BMPR1A: variants seen among roughly 807,000 people sequenced by gnomAD.
The protein encoded by BMPR1A is bone morphogenetic protein receptor type 1A, also known as bone morphogenetic protein receptor type-1A.
Under a neutral mutation model 66.0 loss-of-function variants are expected in BMPR1A, and 7 were observed. That is an observed-to-expected ratio of 0.11 (90% CI 0.06 to 0.20). The LOEUF (loss-of-function observed/expected upper bound fraction) is 0.20, where lower values mean the gene tolerates loss of function less well. Ranked by LOEUF, BMPR1A falls within the 10% of genes least tolerant of loss-of-function variation. The pLI, the probability that BMPR1A is intolerant of heterozygous loss-of-function variation, is 1.00. For synonymous variants in BMPR1A, 200 were observed against 229.7 expected (o/e 0.87, Z 1.17); for missense variants, 408 against 669.1 (o/e 0.61, Z 4.31).
intron 1 of BMPR1A, among the ~76,000 whole-genome samples, chr10:86,797,385 T>A (rs1841734687): frequency 6.6e-6 from 1 of 151,746 alleles, no homozygotes; most frequent in Non-Finnish European, 1.5e-5. Flanking sequence ...CGCCCACCAC[T>A]ATGTCCAGCT....
rs1366069793 is a variant in BMPR1A at position 86,919,481 on chromosome 10, T to C, written c.1166+12T>C. The C allele has an allele frequency of 6.2e-7, 1 of 1,612,854 alleles. No individual in the cohort carries two copies. The highest frequency in any genetic ancestry group is 1.3e-5 in the African/African-American group (1 of 74,902). The stretch of plus-strand genomic sequence containing the variant: ...GTTAAATTCAACAGGTGAGTGGTTC[T>C]TTGCCCCACTGTTTTGAAATTATTT... On this transcript the variant is annotated intron_variant, in intron 10 of 12. Transcript: ENST00000372037.
intron 1 of BMPR1A, among the ~76,000 whole-genome samples, chr10:86,820,566 T>C (rs536835152): frequency 4.5e-4 from 69 of 152,298 alleles, no homozygotes; most frequent in African/African-American, 1.6e-3. Flanking sequence ...TCTCCATCCT[T>C]GACTGTTTCT....
At chr10:86,786,802 T>G (rs1341219523) in intron 1 of BMPR1A, among the ~76,000 whole-genome samples, 1 of 152,348 alleles carries the variant, frequency 6.6e-6, no homozygotes, top group South Asian at 2.1e-4. Context: ...TAAAGGGAAC[T>G]TATTCTTCCT....
intron 1 of BMPR1A, among the ~76,000 whole-genome samples, chr10:86,820,089 T>A (rs919038305): frequency 2.6e-5 from 4 of 152,202 alleles, no homozygotes; most frequent in African/African-American, 9.6e-5. Context: ...ACACCCAGAC[T>A]GGAGTGCAGT....
intron 3 of BMPR1A, among the ~76,000 whole-genome samples, chr10:86,886,668 GTT>G (rs1843071077): frequency 1.3e-5 from 2 of 152,090 alleles, no homozygotes; most frequent in African/African-American, 4.8e-5. Flanking sequence ...GCTCTTTCCT[GTT>G]ACTTTTCTTT....
At chr10:86,883,773 A>T (rs1342222057) in intron 3 of BMPR1A, among the ~76,000 whole-genome samples, 1 of 152,104 alleles carries the variant, frequency 6.6e-6, no homozygotes, top group African/African-American at 2.4e-5. Context: ...CCATTTCAAA[A>T]CAAAAAAAAC....
chr10:86,804,556 C>T (rs1841859654), intron 1 of BMPR1A, among the ~76,000 whole-genome samples: 1 of 152,050 alleles, frequency 6.6e-6, no homozygotes, highest in Admixed American at 6.6e-5. Flanking sequence ...TTTATAGACC[C>T]TATTTACAAA....
At chr10:86,801,929 T>C (rs1019356114) in intron 1 of BMPR1A, among the ~76,000 whole-genome samples, 1 of 152,070 alleles carries the variant, frequency 6.6e-6, no homozygotes, top group Non-Finnish European at 1.5e-5. Context: ...TTAGCCAGGA[T>C]GGTCTCGATC....
chr10:86,797,295 A>G (rs903629992), intron 1 of BMPR1A, among the ~76,000 whole-genome samples: 8 of 144,418 alleles, frequency 5.5e-5, no homozygotes, highest in East Asian at 2.2e-4. Flanking sequence ...TAGTGGCCCA[A>G]TCTCGGTTCA....
At chr10:86,768,676 A>G (rs1186969545) in intron 1 of BMPR1A, among the ~76,000 whole-genome samples, 2 of 152,222 alleles carry the variant, frequency 1.3e-5, no homozygotes, top group African/African-American at 2.4e-5. Flanking sequence ...TTTTCCATTT[A>G]TCTGGTTATG....
chr10:86,895,073 C>T (rs765739903), intron 5 of BMPR1A, among the ~76,000 whole-genome samples: 4 of 152,090 alleles, frequency 2.6e-5, no homozygotes, highest in Non-Finnish European at 4.4e-5. Flanking sequence ...TGTTGTAATT[C>T]GAAGTAAAGG....
In BMPR1A at chr10:86,911,372, A is replaced by G. The variant is rs529470945; in HGVS notation, c.531-868A>G. Among the ~76,000 whole-genome samples the G allele has an allele frequency of 2.6e-5, 4 of 152,284 alleles. No homozygotes were observed. The East Asian group carries it at 7.7e-4, about 29-fold the overall frequency. ...TGAAACACAATTGTCAACATTTGGT[A>G]TACAGATTATATAATGAACGCCTAC... On this transcript the variant is annotated intron_variant, in intron 7 of 12. Coordinates refer to ENST00000372037, the MANE Select transcript of BMPR1A (RefSeq NM_004329.3).
At chr10:86,791,237 A>G (rs1484949111) in intron 1 of BMPR1A, among the ~76,000 whole-genome samples, 1 of 151,100 alleles carries the variant, frequency 6.6e-6, no homozygotes, top group Non-Finnish European at 1.5e-5. Context: ...TTTTGAGACA[A>G]AGTCTCGCTC....
intron 2 of BMPR1A, among the ~76,000 whole-genome samples, chr10:86,858,769 A>G (rs141928891): frequency 9.8e-5 from 15 of 152,332 alleles, no homozygotes; most frequent in African/African-American, 3.4e-4. Context: ...GATGAAGGAA[A>G]TTGAAGCGGG....
chr10:86,891,246 C>G (rs187399145), intron 4 of BMPR1A, among the ~76,000 whole-genome samples: 1 of 152,282 alleles, frequency 6.6e-6, no homozygotes, highest in East Asian at 1.9e-4. Flanking sequence ...GAACTGCTCT[C>G]TGCTATGTCA....
chr10:86,885,752 A>G (rs940993036), intron 3 of BMPR1A, among the ~76,000 whole-genome samples: 1 of 152,222 alleles, frequency 6.6e-6, no homozygotes, highest in African/African-American at 2.4e-5. Flanking sequence ...TCAGTAGCCC[A>G]TTGGTCTCAC....
upstream of BMPR1A, chr10:86,756,122 G>A (rs1317820796): frequency 1.3e-5 from 2 of 152,254 alleles, no homozygotes; most frequent in East Asian, 1.9e-4. Flanking sequence ...TCGGCCGGAG[G>A]AGGGGTCCAC....
At chr10:86,865,352 TTCCTGGCTCA>T (rs1170744565) in intron 2 of BMPR1A, among the ~76,000 whole-genome samples, 1 of 152,004 alleles carries the variant, frequency 6.6e-6, no homozygotes, top group Admixed American at 6.5e-5. Context: ...GAAAGTCCTT[TTCCTGGCTCA>T]TCCTGGCTCA....
chr10:86,919,246 G>T lies in BMPR1A; in HGVS notation c.943G>T (p.Gly315Ter), dbSNP rs730881435. 1 of 1,613,928 alleles carries T rather than the reference G, an allele frequency of 6.2e-7. No individual in the cohort carries two copies. The highest frequency in any genetic ancestry group is 8.5e-7 in the Non-Finnish European group (1 of 1,179,842). Residue 315 changes from glycine (G) to a stop codon, truncating the protein, a stop_gained, in exon 10 of 13, where the codon GGA (glycine) becomes TGA (stop). Coordinates refer to ENST00000372037, the MANE Select transcript of BMPR1A (RefSeq NM_004329.3). LOFTEE classifies it high-confidence loss of function. ...TTTGATTACTGATTACCATGAAAAT[G>T]GATCTCTCTATGACTTCCTGAAATG... ...LYLITDYHEN[G>*]SLYDFLKCAT...
Sources: allele counts gnomAD v4.1 joint callset (sites outside exome capture counted in the v4.1 genomes callset), GRCh38; gene constraint gnomAD v4.1.1; transcripts MANE v1.5; gene names NCBI Gene and HGNC (gene_info 2026-07-23, HGNC 2026-07-21).